Variants in TFG observed in about 807,000 individuals in gnomAD.
TFG encodes the protein protein TFG.
A neutral mutation model predicts 51.4 loss-of-function variants in TFG; 22 were observed. The observed-to-expected ratio is 0.43, with a 90% CI of 0.31 to 0.61. The LOEUF is 0.61. Among genes scored for constraint, TFG ranks in the 20% least tolerant of loss-of-function variants. The probability of loss-of-function intolerance (pLI) is 0.12; values close to 1 mark genes in which losing one functional copy is unlikely to be tolerated. For missense variants in TFG, 419 were observed against 487.7 expected, an observed-to-expected ratio of 0.86 and a Z score of 1.33; for synonymous variants, 187 against 165.6, an observed-to-expected ratio of 1.13 and a Z score of -0.99.
Position 100,748,700 on chromosome 3 carries a change from C to CA in TFG, c.*173dup, listed in dbSNP as rs1260789429. 9 of 816,512 alleles carry CA rather than the reference C, an allele frequency of 1.1e-5. No homozygotes were observed. Among genetic ancestry groups the CA allele is most frequent in the Middle Eastern group, 3.8e-4 (1 of 2,612 alleles). The allele number at this position is 816,512 out of a possible 1,614,324, so 50.6% of individuals were successfully genotyped here. On this transcript the variant is annotated 3_prime_UTR_variant, in exon 8 of 8. Transcript: ENST00000240851. The stretch of plus-strand genomic sequence containing the variant: ...GTATAATTTGCTGGAACACAAAGAC[C>CA]AAAATGAAAGTTTTTTCCTCCCTGC...
chr3:100,737,928 A>T (rs185908616), intron 6 of TFG, among the ~76,000 whole-genome samples: 12 of 152,276 alleles, frequency 7.9e-5, no homozygotes, highest in Admixed American at 7.8e-4. Flanking sequence ...GTGCTATGGC[A>T]TGTGCCTATA....
At chr3:100,742,611 A>C (rs1239232245) in intron 6 of TFG, 1 of 152,134 alleles carries the variant, frequency 6.6e-6, no homozygotes, top group African/African-American at 2.4e-5. Flanking sequence ...TAAGTAACCT[A>C]ACATACACAT....
intron 2 of TFG, among the ~76,000 whole-genome samples, chr3:100,718,195 G>A (rs1450927560): frequency 1.3e-5 from 2 of 152,224 alleles, no homozygotes; most frequent in Non-Finnish European, 2.9e-5. Context: ...CCAAAGTACT[G>A]AGATTACAGG....
chr3:100,736,286 G>A (rs1194495740), intron 5 of TFG, among the ~76,000 whole-genome samples: 2 of 152,096 alleles, frequency 1.3e-5, no homozygotes, highest in Non-Finnish European at 2.9e-5. Flanking sequence ...GCTTGGAGTA[G>A]GGGGATATTG....
chr3:100,731,016 A>G (rs925956094), intron 4 of TFG, among the ~76,000 whole-genome samples: 2 of 152,246 alleles, frequency 1.3e-5, no homozygotes, highest in Admixed American at 1.3e-4. Flanking sequence ...CCAAACATTT[A>G]GAAAATATTA....
chr3:100,709,346 AT>A (rs1170548629), upstream of TFG: 2 of 152,382 alleles, frequency 1.3e-5, no homozygotes, highest in African/African-American at 2.4e-5. Flanking sequence ...AAATCCCGTC[AT>A]CCAGTGAGAA....
At chr3:100,747,768 C>T (rs1435742686) in intron 7 of TFG, among the ~76,000 whole-genome samples, 8 of 152,004 alleles carry the variant, frequency 5.3e-5, no homozygotes, top group Non-Finnish European at 8.8e-5. Flanking sequence ...GTTCATTCTC[C>T]GCAATGTGTT....
chr3:100,747,466 G>C (rs2095140222), intron 7 of TFG: 1 of 152,304 alleles, frequency 6.6e-6, no homozygotes. Context: ...TGTGTTTCAT[G>C]GTAGAGATAA....
At chr3:100,746,213 C>A (rs1427748121) in intron 7 of TFG, among the ~76,000 whole-genome samples, 2 of 152,120 alleles carry the variant, frequency 1.3e-5, no homozygotes, top group Non-Finnish European at 2.9e-5. Context: ...ATTTAGTCAT[C>A]ATTTAATCTC....
chr3:100,725,207 A>G (rs2095071828), intron 3 of TFG, among the ~76,000 whole-genome samples: 1 of 152,160 alleles, frequency 6.6e-6, no homozygotes. Context: ...CGCCTGGCCA[A>G]AAGGGAATTC....
chr3:100,739,437 C>CCAGTT (rs2095115371), intron 6 of TFG, among the ~76,000 whole-genome samples: 1 of 151,578 alleles, frequency 6.6e-6, no homozygotes, highest in Non-Finnish European at 1.5e-5. Context: ...TCATATAAAG[C>CCAGTT]CAGTGCCTGT....
intron 3 of TFG, among the ~76,000 whole-genome samples, chr3:100,722,107 C>T (rs188548566): frequency 6.5e-4 from 99 of 152,090 alleles, no homozygotes; most frequent in East Asian, 7.7e-4. Context: ...GTCGAGATCG[C>T]GCCACTGCAC....
intron 7 of TFG, among the ~76,000 whole-genome samples, chr3:100,745,886 G>A (rs2095133504): frequency 6.6e-6 from 1 of 152,132 alleles, no homozygotes; most frequent in Non-Finnish European, 1.5e-5. Flanking sequence ...TTGAGTAGTT[G>A]CAACAGAAGA....
intron 7 of TFG, among the ~76,000 whole-genome samples, chr3:100,746,765 A>G (rs3796276): frequency 0.63 from 95,452 of 151,888 alleles, 30,537 homozygotes; most frequent in South Asian, 0.83. Flanking sequence ...AAAAAAAACA[A>G]TTCAGATTTC....
intron 4 of TFG, among the ~76,000 whole-genome samples, chr3:100,732,208 GTTTCTC>G (rs2095093521): frequency 6.6e-6 from 1 of 151,978 alleles, no homozygotes; most frequent in Non-Finnish European, 1.5e-5. Context: ...AAAGTAAAAT[GTTTCTC>G]TTTATCAAGG....
Position 100,732,576 on chromosome 3 carries a change from G to A in TFG, c.484G>A (p.Ala162Thr), listed in dbSNP as rs1346466403. 5 of 1,612,826 alleles carry A rather than the reference G, an allele frequency of 3.1e-6. No homozygotes were observed. The South Asian group carries it at 3.3e-5, about 11-fold the overall frequency. ...SSGKQSTQVM[A>T]ASMSAFDPLK... ...TGGAAAACAGTCTACTCAGGTTATG[G>A]CAGCAAGTATGTCTGCTTTTGATCC... The change falls in exon 5 of 8, where the codon GCA (alanine) becomes ACA (threonine). Residue 162 changes from alanine to threonine, a missense_variant. Transcript: ENST00000240851.
intron 1 of TFG, chr3:100,711,205 C>T (rs1178002910): frequency 6.6e-6 from 1 of 152,560 alleles, no homozygotes; most frequent in Non-Finnish European, 1.5e-5. Context: ...CGGGTTCAAG[C>T]GATTCTCCTG....
chr3:100,724,999 G>A (rs1456096219), intron 3 of TFG, among the ~76,000 whole-genome samples: 1 of 152,188 alleles, frequency 6.6e-6, no homozygotes, highest in Non-Finnish European at 1.5e-5. Context: ...CGCCTCCGGG[G>A]CTCACCCCAT....
intron 6 of TFG, among the ~76,000 whole-genome samples, chr3:100,740,011 G>C (rs1391652572): frequency 6.6e-6 from 1 of 151,952 alleles, no homozygotes. Context: ...TTCAAGATTC[G>C]TTTGTTAAAT....
Sources: allele counts gnomAD v4.1 joint callset (sites outside exome capture counted in the v4.1 genomes callset), GRCh38; gene constraint gnomAD v4.1.1; transcripts MANE v1.5; gene names NCBI Gene and HGNC (gene_info 2026-07-23, HGNC 2026-07-21).